EMP1: variants seen among roughly 807,000 people sequenced by gnomAD.
EMP1 encodes the protein tumor-associated membrane protein.
A neutral mutation model predicts 15.7 loss-of-function variants in EMP1; 5 were observed. The observed-to-expected ratio is 0.32, with a 90% confidence interval of 0.17 to 0.67. EMP1 has a LOEUF of 0.67. Ranked by LOEUF, EMP1 falls within the 30% of genes least tolerant of loss-of-function variation. The pLI is 0.74. For synonymous variants in EMP1, 78 were observed against 76.7 expected (o/e 1.02, Z -0.09); for missense variants, 166 against 194.2 (o/e 0.85, Z 0.86).
Position 13,218,139 on chromosome 12 carries a change from A to G in EMP1, c.*3448A>G, listed in dbSNP as rs1565581274. ...CCCAAAGGCAAATGATAACTTATTC[A>G]TTCATCAAGGGATAAACTTGAGTTA... On this transcript the variant is annotated 3_prime_UTR_variant, in exon 5 of 5. Coordinates refer to ENST00000256951, the MANE Select transcript of EMP1 (RefSeq NM_001423.3). The G allele has an allele frequency of 6.6e-6, 1 of 152,220 alleles. No homozygotes were observed. 9.4% of individuals were successfully genotyped at this position (152,220 alleles called of 1,614,324 possible).
In EMP1 at chr12:13,218,492, AAAG is replaced by A. The variant is rs1565581374; in HGVS notation, c.*3807_*3809del. On this transcript the variant is annotated 3_prime_UTR_variant, in exon 5 of 5. Transcript: ENST00000256951. ...GATAGGCTGGTGGGAGGAAGAATGAAAAGAAGAAAACTTGTTGGAAATTTTGGA... is the reference window on the plus strand; with the variant it reads ...GATAGGCTGGTGGGAGGAAGAATGAAAAGAAAACTTGTTGGAAATTTTGGA... 1 of 152,204 alleles carries A rather than the reference AAAG, an allele frequency of 6.6e-6. No individual in the cohort carries two copies. Among genetic ancestry groups the A allele is most frequent in the African/African-American group, 2.4e-5 (1 of 41,448 alleles). The allele number at this position is 152,204 out of a possible 1,614,324, so 9.4% of individuals were successfully genotyped here. A position where few individuals can be genotyped will look rare whatever the true frequency, so the allele number is the denominator to read the frequency against.
intron 1 of EMP1, among the ~76,000 whole-genome samples, chr12:13,200,005 A>G (rs1432156123): frequency 7.4e-6 from 1 of 135,408 alleles, no homozygotes; most frequent in Non-Finnish European, 1.5e-5. Context: ...AAGGGCAGGG[A>G]GCATTTTTGA....
chr12:13,212,896 A>G (rs942250290), intron 2 of EMP1, among the ~76,000 whole-genome samples: 4 of 152,242 alleles, frequency 2.6e-5, no homozygotes, highest in Admixed American at 1.3e-4. Flanking sequence ...AGTAGCCCCT[A>G]CAGGAAAGCA....
chr12:13,212,699 G>A (rs1864176755), intron 2 of EMP1, among the ~76,000 whole-genome samples: 1 of 152,230 alleles, frequency 6.6e-6, no homozygotes, highest in African/African-American at 2.4e-5. Context: ...TGAAGAGCAG[G>A]GATTGGCGTA....
chr12:13,203,254 C>T lies in EMP1; in HGVS notation c.-43+6382C>T, dbSNP rs148060967. Among the ~76,000 whole-genome samples, 12 of 152,338 alleles carry T rather than the reference C, an allele frequency of 7.9e-5. No individual in the cohort carries two copies. The East Asian group carries it at 2.1e-3, about 27-fold the overall frequency. ...TAGTTATTATCTTGGCAACCTCTCC[C>T]TTGAAGACATTCTGGCTGCCAGAAC... is the stretch of plus-strand genomic sequence containing the variant. On this transcript the variant is annotated intron_variant, in intron 1 of 4. Transcript: ENST00000256951.
At chr12:13,210,050 A>G (rs1864150810) in intron 1 of EMP1, among the ~76,000 whole-genome samples, 1 of 152,220 alleles carries the variant, frequency 6.6e-6, no homozygotes, top group South Asian at 2.1e-4. Flanking sequence ...GCTTGCAGAG[A>G]GCAAGGCACC....
intron 1 of EMP1, chr12:13,199,424 A>G (rs74063268): frequency 0.095 from 14,404 of 152,364 alleles, 714 homozygotes; most frequent in Non-Finnish European, 0.12. Flanking sequence ...GGAGAGAGAC[A>G]CGTTGAAGAC....
At chr12:13,196,936 G>C (rs1864020354) in intron 1 of EMP1, 64 bp downstream of exon 1, 1 of 152,278 alleles carries the variant, frequency 6.6e-6, no homozygotes, top group African/African-American at 2.4e-5. Flanking sequence ...CCACGGCTCT[G>C]CTTCTTCTGA....
intron 1 of EMP1, among the ~76,000 whole-genome samples, chr12:13,197,385 T>G (rs183042278): frequency 4.8e-4 from 73 of 152,344 alleles, no homozygotes; most frequent in African/African-American, 1.7e-3. Flanking sequence ...TTTTTGACAT[T>G]GCTTTTCCTG....
At chr12:13,207,191 A>C (rs2121153224) in intron 1 of EMP1, among the ~76,000 whole-genome samples, 1 of 152,156 alleles carries the variant, frequency 6.6e-6, no homozygotes, top group South Asian at 2.1e-4. Context: ...GGCTTTTTGC[A>C]ACCTCCGCCT....
intron 1 of EMP1, chr12:13,199,669 G>C (rs1661384861): frequency 1.3e-5 from 2 of 152,176 alleles, no homozygotes; most frequent in Admixed American, 1.3e-4. Context: ...CCATCCTACA[G>C]ATCTTAAAAT....
intron 1 of EMP1, among the ~76,000 whole-genome samples, chr12:13,201,582 AGGGCATTT>A (rs1864066638): frequency 6.6e-6 from 1 of 152,186 alleles, no homozygotes; most frequent in African/African-American, 2.4e-5. Flanking sequence ...GGCATTGAAA[AGGGCATTT>A]TGCAGAGGAT....
intron 1 of EMP1, among the ~76,000 whole-genome samples, chr12:13,204,353 G>A (rs147387098): frequency 1.1e-4 from 17 of 152,246 alleles, no homozygotes; most frequent in African/African-American, 2.9e-4. Context: ...GCTCATCCAA[G>A]GTCTCATCCA....
chr12:13,212,340 TA>T (rs1317244590), intron 2 of EMP1, among the ~76,000 whole-genome samples: 1 of 152,210 alleles, frequency 6.6e-6, no homozygotes, highest in Non-Finnish European at 1.5e-5. Flanking sequence ...TCCTTGGACC[TA>T]AAAACCAAGG....
intron 1 of EMP1, among the ~76,000 whole-genome samples, chr12:13,210,006 A>G (rs1035233395): frequency 6.6e-6 from 1 of 152,098 alleles, no homozygotes; most frequent in East Asian, 1.9e-4. Flanking sequence ...GGTCAGGGAG[A>G]ATGGTGGAAG....
At chr12:13,209,830 A>G (rs1864148438) in intron 1 of EMP1, among the ~76,000 whole-genome samples, 2 of 152,144 alleles carry the variant, frequency 1.3e-5, no homozygotes, top group Admixed American at 1.3e-4. Flanking sequence ...AATGAATTTG[A>G]ATGTGTGGGG....
In EMP1 at chr12:13,215,979, A is replaced by T. The variant is rs559209377; in HGVS notation, c.*1288A>T. On this transcript the variant is annotated 3_prime_UTR_variant, in exon 5 of 5. Transcript: ENST00000256951. ...AAATAAAAATATAGGTGATGGGCAG[A>T]TCTTTTCTTTAAAATAAAAAAGCAA... The T allele has an allele frequency of 5.9e-6, 1 of 169,614 alleles. No homozygotes were observed. Among genetic ancestry groups the T allele is most frequent in the Non-Finnish European group, 1.3e-5 (1 of 78,268 alleles). The allele number at this position is 169,614 out of a possible 1,614,324, so 10.5% of individuals were successfully genotyped here. A position where few individuals can be genotyped will look rare whatever the true frequency, so the allele number is the denominator to read the frequency against.
chr12:13,218,421 G>A lies in EMP1; in HGVS notation c.*3730G>A, dbSNP rs1026196331. 8 of 152,170 alleles carry A rather than the reference G, an allele frequency of 5.3e-5. No individual in the cohort carries two copies. Among genetic ancestry groups the A allele is most frequent in the Non-Finnish European group, 7.3e-5 (5 of 68,030 alleles). The allele number at this position is 152,170 out of a possible 1,614,324, so 9.4% of individuals were successfully genotyped here. A position where few individuals can be genotyped will look rare whatever the true frequency, so the allele number is the denominator to read the frequency against. ...AATGTCCTAGCGAAAATGTTTAAATGTATTTAAAGAAGAGCTAGATTTTGT... is the reference window on the plus strand; with the variant it reads ...AATGTCCTAGCGAAAATGTTTAAATATATTTAAAGAAGAGCTAGATTTTGT... On this transcript the variant is annotated 3_prime_UTR_variant, in exon 5 of 5. Coordinates refer to ENST00000256951, the MANE Select transcript of EMP1 (RefSeq NM_001423.3).
chr12:13,214,290 G>A, intron 4 of EMP1: 1 of 615,180 alleles, frequency 1.6e-6, no homozygotes, highest in South Asian at 2.1e-5. Flanking sequence ...GAGGTTCTGT[G>A]TTTTACATCA....
Sources: allele counts gnomAD v4.1 joint callset (sites outside exome capture counted in the v4.1 genomes callset), GRCh38; gene constraint gnomAD v4.1.1; transcripts MANE v1.5; gene names NCBI Gene and HGNC (gene_info 2026-07-23, HGNC 2026-07-21).